LPAR1: variants seen among roughly 807,000 people sequenced by gnomAD.
LPAR1 encodes the protein lysophosphatidic acid receptor 1, also known as LPA receptor 1.
LPAR1 carries 5 observed loss-of-function variants against 23.8 expected under a neutral mutation model. The observed-to-expected ratio is 0.21, with a 90% confidence interval of 0.11 to 0.44. The LOEUF is 0.44. Ranked by LOEUF, LPAR1 falls within the 20% of genes least tolerant of loss-of-function variation. The pLI is 0.99. For synonymous variants in LPAR1, 160 were observed against 164.7 expected (o/e 0.97, Z 0.22); for missense variants, 311 against 482.8 (o/e 0.64, Z 3.33).
chr9:110,906,908 A>T (rs939608291), intron 5 of LPAR1, among the ~76,000 whole-genome samples: 1 of 141,114 alleles, frequency 7.1e-6, no homozygotes, highest in Non-Finnish European at 1.6e-5. Context: ...GTTTCTAAAA[A>T]TTATGATATA....
chr9:111,009,695 C>CAT (rs1004898813), intron 2 of LPAR1, among the ~76,000 whole-genome samples: 290 of 151,232 alleles, frequency 1.9e-3, no homozygotes, highest in African/African-American at 6.9e-3. Flanking sequence ...TAATACTGGG[C>CAT]ATATATATAT....
chr9:111,017,864 C>T (rs1283668351), intron 2 of LPAR1, among the ~76,000 whole-genome samples: 5 of 151,960 alleles, frequency 3.3e-5, no homozygotes, highest in Non-Finnish European at 7.4e-5. Flanking sequence ...ACTAAAAATA[C>T]AAAAATCAAC....
At chr9:110,884,322 C>T (rs1200297415) in intron 5 of LPAR1, among the ~76,000 whole-genome samples, 1 of 152,176 alleles carries the variant, frequency 6.6e-6, no homozygotes, top group Non-Finnish European at 1.5e-5. Context: ...TTCTGGGATG[C>T]CTTCCCTGAT....
chr9:110,889,815 G>A (rs1468842234), intron 5 of LPAR1, among the ~76,000 whole-genome samples: 2 of 152,074 alleles, frequency 1.3e-5, no homozygotes, highest in Admixed American at 6.6e-5. Context: ...TATCCAAATG[G>A]AATATCTAAC....
At chr9:111,000,377 C>G (rs2140135258) in intron 2 of LPAR1, among the ~76,000 whole-genome samples, 1 of 152,290 alleles carries the variant, frequency 6.6e-6, no homozygotes, top group African/African-American at 2.4e-5. Context: ...AGGGAAACAA[C>G]AGGCTCCACT....
rs183747124 is a variant in LPAR1 at position 110,894,524 on chromosome 9, G to A, written c.794-18802C>T. ...CGCAAAGGATAAGCCTCCAAGAAAT[G>A]TGGATATTTTGGGTGAACTGTTATT... On this transcript the variant is annotated intron_variant, in intron 5 of 5. Coordinates refer to ENST00000683809, the MANE Select transcript of LPAR1 (RefSeq NM_001351411.2). 1.1e-4 allele frequency among the ~76,000 whole-genome samples: 16 copies of A among 152,282 alleles called. No homozygotes were observed. In the East Asian group the frequency reaches 2.9e-3, roughly 28 times the overall value.
At chr9:110,894,953 G>C (rs2085802990) in intron 5 of LPAR1, among the ~76,000 whole-genome samples, 1 of 152,104 alleles carries the variant, frequency 6.6e-6, no homozygotes, top group Non-Finnish European at 1.5e-5. Flanking sequence ...AGGAGGTAAA[G>C]GCTGCAGTGA....
At chr9:110,892,409 T>C (rs1469010566) in intron 5 of LPAR1, among the ~76,000 whole-genome samples, 3 of 152,130 alleles carry the variant, frequency 2.0e-5, no homozygotes, top group African/African-American at 7.2e-5. Context: ...CTCATGCCTA[T>C]AATCCAAGCA....
chr9:110,985,306 C>T lies in LPAR1; in HGVS notation c.-181-11748G>A, dbSNP rs545485403. On this transcript the variant is annotated intron_variant, in intron 2 of 5. Transcript: ENST00000683809. Reference sequence around the variant, plus strand: ...CTAAGATCTTGCTTCAGTGTACTCACAGGATACAATATATTTCATGTTCAT... The same window carrying T: ...CTAAGATCTTGCTTCAGTGTACTCATAGGATACAATATATTTCATGTTCAT... Among the ~76,000 whole-genome samples the T allele has an allele frequency of 3.3e-5, 5 of 152,216 alleles. No homozygotes were observed. In the South Asian group the frequency reaches 1.0e-3, roughly 32 times the overall value.
intron 5 of LPAR1, among the ~76,000 whole-genome samples, chr9:110,920,766 C>G (rs569601862): frequency 3.6e-4 from 55 of 152,250 alleles, no homozygotes; most frequent in African/African-American, 1.3e-3. Flanking sequence ...TCTGCACTAT[C>G]ATACCTACAA....
At chr9:111,028,454 T>C (rs962154722) in intron 2 of LPAR1, among the ~76,000 whole-genome samples, 2 of 152,300 alleles carry the variant, frequency 1.3e-5, no homozygotes, top group East Asian at 3.9e-4. Flanking sequence ...AATGAGCATA[T>C]ACTGTTTTTT....
intron 4 of LPAR1, among the ~76,000 whole-genome samples, chr9:110,964,635 A>C (rs1264284591): frequency 6.6e-6 from 1 of 150,542 alleles, no homozygotes; most frequent in African/African-American, 2.5e-5. Flanking sequence ...CTGCCATAGT[A>C]CAAAGTTCTA....
At chr9:110,890,543 GA>G (rs2083808686) in intron 5 of LPAR1, among the ~76,000 whole-genome samples, 1 of 152,198 alleles carries the variant, frequency 6.6e-6, no homozygotes, top group Non-Finnish European at 1.5e-5. Context: ...CTTTGGGGAT[GA>G]AAAGCTTCTT....
At chr9:110,922,263 G>A (rs540809510) in intron 5 of LPAR1, among the ~76,000 whole-genome samples, 44 of 152,148 alleles carry the variant, frequency 2.9e-4, no homozygotes, top group Admixed American at 1.4e-3. Context: ...GCTAACACTC[G>A]ACATCTCTCA....
intron 2 of LPAR1, among the ~76,000 whole-genome samples, chr9:111,014,991 C>T (rs891551553): frequency 3.3e-5 from 5 of 151,840 alleles, no homozygotes; most frequent in Non-Finnish European, 7.4e-5. Context: ...TTAGAGTGGG[C>T]CCTAATCCAA....
intron 2 of LPAR1, among the ~76,000 whole-genome samples, chr9:110,998,647 G>C (rs1245851218): frequency 6.6e-6 from 1 of 152,176 alleles, no homozygotes; most frequent in Non-Finnish European, 1.5e-5. Flanking sequence ...TATATGACTT[G>C]ATCTGTAGCA....
At chr9:110,878,096 C>T (rs545695125) in intron 5 of LPAR1, among the ~76,000 whole-genome samples, 3 of 152,212 alleles carry the variant, frequency 2.0e-5, no homozygotes, top group Middle Eastern at 3.4e-3. Flanking sequence ...AACCTGGATT[C>T]CTCTCCTTTA....
chr9:111,022,151 T>C (rs550781720), intron 2 of LPAR1, among the ~76,000 whole-genome samples: 2 of 152,160 alleles, frequency 1.3e-5, no homozygotes, highest in Admixed American at 6.5e-5. Flanking sequence ...CCTGAGCTTG[T>C]TGGACTAGGT....
At chr9:111,002,888 C>A (rs1478684762) in intron 2 of LPAR1, among the ~76,000 whole-genome samples, 1 of 152,130 alleles carries the variant, frequency 6.6e-6, no homozygotes, top group Non-Finnish European at 1.5e-5. Flanking sequence ...CTTGTAATCC[C>A]GGCAGTCTGT....
Sources: gnomAD v4.1 joint callset for allele counts (sites outside exome capture counted in the v4.1 genomes callset) on GRCh38, gnomAD v4.1.1 for gene constraint, MANE v1.5 for transcripts, NCBI Gene and HGNC (gene_info 2026-07-23, HGNC 2026-07-21) for gene names.